The following PITPNM3 variants were observed in gnomAD, a reference collection of about 807,000 sequenced individuals.
The protein encoded by PITPNM3 is membrane-associated phosphatidylinositol transfer protein 3.
PITPNM3 carries 26 observed loss-of-function variants against 102.0 expected under a neutral mutation model. The ratio of observed to expected loss-of-function variants is 0.25; its 90% CI spans 0.19 to 0.35. The LOEUF (loss-of-function observed/expected upper bound fraction) is 0.35, where lower values mean the gene tolerates loss of function less well. PITPNM3 is among the 10% of genes least tolerant of loss of function. The pLI, the probability that PITPNM3 is intolerant of heterozygous loss-of-function variation, is 1.00. For missense variants in PITPNM3, 1,083 were observed against 1,346.1 expected, an observed-to-expected ratio of 0.80 and a Z score of 3.06; for synonymous variants, 578 against 558.6, an observed-to-expected ratio of 1.03 and a Z score of -0.49.
At chr17:6,524,903 CAT>C (rs1908739707) in intron 3 of PITPNM3, among the ~76,000 whole-genome samples, 1 of 152,214 alleles carries the variant, frequency 6.6e-6, no homozygotes, top group Non-Finnish European at 1.5e-5. Flanking sequence ...AATCCCCAGC[CAT>C]ATACTCCTTC....
At position 6,552,428 on chromosome 17, in the gene PITPNM3, A is replaced by G. The variant is rs990114587; in HGVS notation, c.22+3957T>C. On this transcript the variant is annotated intron_variant, in intron 1 of 19. Transcript: ENST00000262483. ...GGCAGTGTGGCTGGCAGGAGTCAGA[A>G]TCAACCCTTCCCAACAAAGGCAGCT... Among the ~76,000 whole-genome samples, 6 of 152,206 alleles carry G rather than the reference A, an allele frequency of 3.9e-5. No individual in the cohort carries two copies. The South Asian group carries it at 1.2e-3, about 32-fold the overall frequency.
rs1905871128 is a variant in PITPNM3 at position 6,483,517 on chromosome 17, T to C, written c.587A>G (p.His196Arg). 1 of 1,612,486 alleles carries C rather than the reference T, an allele frequency of 6.2e-7. No homozygotes were observed. Among genetic ancestry groups the C allele is most frequent in the South Asian group, 1.1e-5 (1 of 90,930 alleles). ...ICSEAFSLVSHLNPYSHDEGC... is the reference protein window; with the variant it reads ...ICSEAFSLVSRLNPYSHDEGC... ...TTCAAACAAGCAGAAATGGACTCAC[T>C]GAGAGACAAGCGAGAAAGCCTCAGA... The change falls in exon 6 of 20, where the codon CAC becomes CGC. Residue 196 changes from histidine to arginine, a missense_variant and splice_region_variant. Transcript: ENST00000262483.
intron 3 of PITPNM3, among the ~76,000 whole-genome samples, chr17:6,504,065 C>A (rs1202940546): frequency 6.6e-6 from 1 of 152,164 alleles, no homozygotes; most frequent in Non-Finnish European, 1.5e-5. Context: ...CTCCCCATGA[C>A]CAAAGCTTCC....
intron 3 of PITPNM3, among the ~76,000 whole-genome samples, chr17:6,524,525 T>G (rs2150642596): frequency 6.6e-6 from 1 of 152,280 alleles, no homozygotes; most frequent in South Asian, 2.1e-4. Flanking sequence ...TTTTACGACA[T>G]CTTCAGCCAC....
chr17:6,503,945 A>G (rs1360383011), intron 3 of PITPNM3, among the ~76,000 whole-genome samples: 1 of 152,004 alleles, frequency 6.6e-6, no homozygotes, highest in Non-Finnish European at 1.5e-5. Context: ...CCAAGCCCAC[A>G]AACCACTGCC....
chr17:6,555,968 G>A (rs1465602138), intron 1 of PITPNM3, among the ~76,000 whole-genome samples: 2 of 152,162 alleles, frequency 1.3e-5, no homozygotes, highest in Non-Finnish European at 2.9e-5. Flanking sequence ...GTCCTGGATG[G>A]AGAGAGCTGC....
intron 3 of PITPNM3, among the ~76,000 whole-genome samples, chr17:6,519,252 G>C (rs111776590): frequency 1.7e-5 from 1 of 59,796 alleles, no homozygotes; most frequent in African/African-American, 7.4e-5. Flanking sequence ...CAGGAGAATG[G>C]CGTGAACCCG....
At chr17:6,473,572 C>T (rs564056986) in intron 10 of PITPNM3, among the ~76,000 whole-genome samples, 20 of 152,332 alleles carry the variant, frequency 1.3e-4, no homozygotes, top group South Asian at 8.3e-4. Context: ...CAGCCTCAGA[C>T]GGTCTGTACT....
intron 9 of PITPNM3, among the ~76,000 whole-genome samples, 184 bp downstream of exon 9, chr17:6,476,817 GACAGGGAACCAGGTTCCAGAGTCTCAGT>G (rs1905324338): frequency 6.6e-6 from 1 of 152,198 alleles, no homozygotes; most frequent in African/African-American, 2.4e-5. Context: ...GCAGGGCAGG[GACAGGGAACCAGGTTCCAGAGTCTCAGT>G]ACAGGGCTGC....
At chr17:6,476,676 C>T (rs1458193409) in intron 9 of PITPNM3, among the ~76,000 whole-genome samples, 4 of 152,236 alleles carry the variant, frequency 2.6e-5, no homozygotes, top group African/African-American at 7.2e-5. Context: ...TCACAAAACA[C>T]AGTCACAGCA....
rs2150710748 is a variant in PITPNM3, at chr17:6,454,544, C to T, written c.*794G>A. The T allele has an allele frequency of 1.3e-5, 2 of 152,460 alleles. No homozygotes were observed. Among genetic ancestry groups the T allele is most frequent in the South Asian group, 4.1e-4 (2 of 4,832 alleles). 9.4% of individuals were successfully genotyped at this position (152,460 alleles called of 1,614,324 possible). A position where few individuals can be genotyped will look rare whatever the true frequency, so the allele number is the denominator to read the frequency against. On this transcript the variant is annotated 3_prime_UTR_variant, in exon 20 of 20. Transcript: ENST00000262483. ...CCAATAACAGAAGGAAGACGGAGCC[C>T]AGAGAGGGCAAGCAACCAGCTCAGG...
chr17:6,550,936 C>T (rs901392547), intron 1 of PITPNM3, among the ~76,000 whole-genome samples: 5 of 152,200 alleles, frequency 3.3e-5, no homozygotes, highest in South Asian at 2.1e-4. Flanking sequence ...CGGCAACAAA[C>T]GTCTCAGGCT....
intron 4 of PITPNM3, among the ~76,000 whole-genome samples, chr17:6,502,946 C>T (rs986681069): frequency 8.5e-5 from 13 of 152,162 alleles, no homozygotes; most frequent in African/African-American, 3.1e-4. Context: ...CCTGGAGACG[C>T]CTGTATAACA....
intron 4 of PITPNM3, among the ~76,000 whole-genome samples, chr17:6,489,253 A>G (rs1423564540): frequency 6.6e-6 from 1 of 152,096 alleles, no homozygotes; most frequent in East Asian, 1.9e-4. Context: ...TCTGGGGTCC[A>G]CAGGGGTGGA....
Position 6,485,440 on chromosome 17 carries a change from GA to G in PITPNM3, c.275-1149del, listed in dbSNP as rs1450454945. On this transcript the variant is annotated intron_variant, in intron 4 of 19. Transcript: ENST00000262483. Reference sequence around the variant, plus strand: ...CCCAAAGTGCTGGGATTACAGGAGTGAGCCACCATGCCTGGCCAATAAGTCT... The same window carrying G: ...CCCAAAGTGCTGGGATTACAGGAGTGGCCACCATGCCTGGCCAATAAGTCT... Among the ~76,000 whole-genome samples, 9 of 152,208 alleles carry G rather than the reference GA, an allele frequency of 5.9e-5. No individual in the cohort carries two copies. In the South Asian group the frequency reaches 1.5e-3, roughly 25 times the overall value.
At chr17:6,555,900 A>G (rs1045263915) in intron 1 of PITPNM3, among the ~76,000 whole-genome samples, 7 of 151,602 alleles carry the variant, frequency 4.6e-5, no homozygotes, top group South Asian at 2.1e-4. Flanking sequence ...CCTTCCCGAG[A>G]AGGAATCTGG....
rs985242536 is a variant in PITPNM3, at chr17:6,472,191, C to T, written c.1429+466G>A. ...ACCTGCCCTCGCTCCTGCTGTTCTC[C>T]CTGCCTGGAAGATCTCAACCCTCAT... On this transcript the variant is annotated intron_variant, in intron 11 of 19. Coordinates refer to ENST00000262483, the MANE Select transcript of PITPNM3 (RefSeq NM_031220.4). The surrounding 1 kb of genome is among the most constrained non-coding windows in gnomAD (Gnocchi z 4.1). Among the ~76,000 whole-genome samples, 1 of 152,202 alleles carries T rather than the reference C, an allele frequency of 6.6e-6. No individual in the cohort carries two copies. The highest frequency in any genetic ancestry group is 1.5e-5 in the Non-Finnish European group (1 of 68,030).
At chr17:6,508,265 T>C (rs1301987667) in intron 3 of PITPNM3, among the ~76,000 whole-genome samples, 1 of 152,256 alleles carries the variant, frequency 6.6e-6, no homozygotes, top group Admixed American at 6.5e-5. Flanking sequence ...CGGCCTCAGC[T>C]GCATAAGCCT....
intron 14 of PITPNM3, among the ~76,000 whole-genome samples, chr17:6,465,605 G>A (rs1172544965): frequency 6.6e-6 from 1 of 152,204 alleles, no homozygotes; most frequent in Non-Finnish European, 1.5e-5. Flanking sequence ...CAAACTCGTG[G>A]CCATCCTGGT....
Sources: gnomAD v4.1 joint callset for allele counts (sites outside exome capture counted in the v4.1 genomes callset) on GRCh38, gnomAD v4.1.1 for gene constraint, Gnocchi (gnomAD v3.1) non-coding constraint, MANE v1.5 for transcripts, NCBI Gene and HGNC (gene_info 2026-07-23, HGNC 2026-07-21) for gene names.